The following CBLN2 variants were observed in gnomAD, a reference collection of about 807,000 sequenced individuals.
CBLN2 encodes the protein cerebellin-2.
Under a neutral mutation model 15.0 loss-of-function variants are expected in CBLN2, and 7 were observed. The observed-to-expected ratio is 0.47, with a 90% CI of 0.27 to 0.88. The LOEUF (loss-of-function observed/expected upper bound fraction) is 0.88. Among genes scored for constraint, CBLN2 ranks in the 40% least tolerant of loss-of-function variants. The probability of loss-of-function intolerance (pLI) is 0.14; values close to 1 mark genes in which losing one functional copy is unlikely to be tolerated. For synonymous variants in CBLN2, 149 were observed against 135.2 expected (o/e 1.10, Z -0.71); for missense variants, 242 against 304.5 (o/e 0.79, Z 1.53).
intron 1 of CBLN2, among the ~76,000 whole-genome samples, chr18:72,550,334 A>T (rs1376070168): frequency 6.6e-6 from 1 of 152,208 alleles, no homozygotes; most frequent in African/African-American, 2.4e-5. Context: ...AATAGATTAC[A>T]TTGCACCATC....
intron 1 of CBLN2, among the ~76,000 whole-genome samples, chr18:72,573,571 C>T (rs372016651): frequency 6.8e-4 from 104 of 152,302 alleles, no homozygotes; most frequent in African/African-American, 2.4e-3. Context: ...AGATTGGCCT[C>T]TTTTACTCAG....
chr18:72,601,110 C>T (rs1326148554), intron 1 of CBLN2, among the ~76,000 whole-genome samples: 4 of 152,152 alleles, frequency 2.6e-5, no homozygotes, highest in East Asian at 3.9e-4. Flanking sequence ...TCTCATAATC[C>T]GAACCTTGTG....
At chr18:72,631,597 A>G (rs1029888217) in intron 1 of CBLN2, among the ~76,000 whole-genome samples, 7 of 152,126 alleles carry the variant, frequency 4.6e-5, no homozygotes, top group African/African-American at 1.7e-4. Flanking sequence ...GAATCAGGGA[A>G]TGGAAAATAA....
chr18:72,615,217 T>A (rs1445007369), intron 1 of CBLN2, among the ~76,000 whole-genome samples: 1 of 137,698 alleles, frequency 7.3e-6, no homozygotes, highest in Non-Finnish European at 1.5e-5. Flanking sequence ...TATGTGTATA[T>A]ATATGTACAT....
At chr18:72,575,457 G>C (rs2069359595) in intron 1 of CBLN2, among the ~76,000 whole-genome samples, 1 of 152,132 alleles carries the variant, frequency 6.6e-6, no homozygotes, top group Non-Finnish European at 1.5e-5. Context: ...AAGGAACAGT[G>C]GCTGACACAA....
chr18:72,562,680 T>C (rs1270620627), intron 1 of CBLN2, among the ~76,000 whole-genome samples: 1 of 152,234 alleles, frequency 6.6e-6, no homozygotes, highest in African/African-American at 2.4e-5. Context: ...TTAGAGTCTT[T>C]GGAAACAGAC....
At chr18:72,630,959 T>C (rs2069772236) in intron 1 of CBLN2, 1 of 152,194 alleles carries the variant, frequency 6.6e-6, no homozygotes, top group African/African-American at 2.4e-5. Context: ...CGTTATTAAA[T>C]TGTTTCTGGC....
chr18:72,558,156 CTT>C (rs2069238294), intron 1 of CBLN2, among the ~76,000 whole-genome samples: 3 of 152,154 alleles, frequency 2.0e-5, no homozygotes, highest in Non-Finnish European at 4.4e-5. Context: ...GACCATGTGA[CTT>C]AGTGTGGCAC....
intron 1 of CBLN2, among the ~76,000 whole-genome samples, chr18:72,619,684 G>A (rs1056963609): frequency 6.6e-6 from 1 of 152,046 alleles, no homozygotes; most frequent in African/African-American, 2.4e-5. Flanking sequence ...TGAAAACAAA[G>A]GTTTCTCATT....
In CBLN2 at chr18:72,543,546, G is replaced by A. The variant is rs4961397; in HGVS notation, c.-211-16C>T. ...CGAAGTTGCTCTGCTTAGAGAAAAT[G>A]AGGCGAGTGGGAGCTGTCGGGAGGA... On this transcript the variant is annotated splice_polypyrimidine_tract_variant and intron_variant, in intron 1 of 4. Coordinates refer to ENST00000269503, the MANE Select transcript of CBLN2 (RefSeq NM_182511.4). This position sits in a 1 kb window ranked among gnomAD's most constrained non-coding sequence, Gnocchi z 6.8. The A allele has an allele frequency of 0.67, 265,187 of 397,838 alleles. 96,865 individuals are homozygous for A. Among genetic ancestry groups the A allele is most frequent in the Non-Finnish European group, 0.78 (177,047 of 225,650 alleles). 24.6% of individuals were successfully genotyped at this position (397,838 alleles called of 1,614,324 possible). A position where few individuals can be genotyped will look rare whatever the true frequency, so the allele number is the denominator to read the frequency against.
chr18:72,614,623 A>G (rs890526909), intron 1 of CBLN2, among the ~76,000 whole-genome samples: 1 of 152,174 alleles, frequency 6.6e-6, no homozygotes, highest in Non-Finnish European at 1.5e-5. Context: ...TCATCTAACC[A>G]TTGGTATTAC....
Position 72,538,007 on chromosome 18 carries a change from A to G in CBLN2, c.*169T>C, listed in dbSNP as rs2069079270. ...TTCCCGAGGAATTGTCAGTATTCCAAAAAACAAAAACAAAAGTACTGGAGG... is the reference window on the plus strand; with the variant it reads ...TTCCCGAGGAATTGTCAGTATTCCAGAAAACAAAAACAAAAGTACTGGAGG... On this transcript the variant is annotated 3_prime_UTR_variant, in exon 5 of 5. Coordinates refer to ENST00000269503, the MANE Select transcript of CBLN2 (RefSeq NM_182511.4). 2 of 681,058 alleles carry G rather than the reference A, an allele frequency of 2.9e-6. No individual in the cohort carries two copies. The highest frequency in any genetic ancestry group is 5.8e-5 in the Admixed American group (2 of 34,230). The allele number at this position is 681,058 out of a possible 1,614,324, so 42.2% of individuals were successfully genotyped here. A position where few individuals can be genotyped will look rare whatever the true frequency, so the allele number is the denominator to read the frequency against.
At chr18:72,542,702 C>A (rs1217018397) in intron 2 of CBLN2, among the ~76,000 whole-genome samples, 2 of 152,136 alleles carry the variant, frequency 1.3e-5, no homozygotes, top group Admixed American at 6.5e-5. Flanking sequence ...TGCCTTCTCG[C>A]CTTCATCTCA....
chr18:72,561,780 C>T (rs1009677773), intron 1 of CBLN2, among the ~76,000 whole-genome samples: 3 of 152,136 alleles, frequency 2.0e-5, no homozygotes, highest in Non-Finnish European at 4.4e-5. Context: ...ACAATTTTCC[C>T]TCTGTCCGTG....
intron 1 of CBLN2, among the ~76,000 whole-genome samples, chr18:72,550,757 A>T (rs1568252758): frequency 6.6e-6 from 1 of 151,534 alleles, no homozygotes; most frequent in Non-Finnish European, 1.5e-5. Context: ...GGGAGATTTC[A>T]GTGAATATTA....
Position 72,561,440 on chromosome 18 carries a change from A to G in CBLN2, c.16-22668T>C, listed in dbSNP as rs2069260763. ...TAAACAGCATCCATGACTTTAACAC[A>G]TCTTTATTTTATCTCCTTCTCTCTC... On this transcript the variant is annotated intron_variant, in intron 1 of 2. Transcript: ENST00000581073. Among the ~76,000 whole-genome samples, 4 of 152,166 alleles carry G rather than the reference A, an allele frequency of 2.6e-5. No individual in the cohort carries two copies. The South Asian group carries it at 8.3e-4, about 32-fold the overall frequency.
chr18:72,589,070 C>T (rs1568125393), intron 1 of CBLN2, among the ~76,000 whole-genome samples: 1 of 152,064 alleles, frequency 6.6e-6, no homozygotes. Flanking sequence ...CACCTCTTTG[C>T]GGTATCATTC....
rs2069499092 is a variant in CBLN2 at position 72,594,284 on chromosome 18, TA to T, written c.15+44040del. Among the ~76,000 whole-genome samples the T allele has an allele frequency of 5.3e-5, 8 of 152,060 alleles. No homozygotes were observed. In the South Asian group the frequency reaches 1.7e-3, roughly 32 times the overall value. On this transcript the variant is annotated intron_variant, in intron 1 of 2. Transcript: ENST00000581073. ...TATCCCAGAACTTAAAGTATAATAATAAAAAAAATTGCATGTGTCAAATCAT... is the reference window on the plus strand; with the variant it reads ...TATCCCAGAACTTAAAGTATAATAATAAAAAAATTGCATGTGTCAAATCAT...
chr18:72,619,171 G>A, intron 1 of CBLN2: 1 of 769,336 alleles, frequency 1.3e-6, no homozygotes, highest in Non-Finnish European at 2.3e-6. Flanking sequence ...AACCAAGGTG[G>A]CTGGGGTGGT....
Sources: allele counts gnomAD v4.1 joint callset (sites outside exome capture counted in the v4.1 genomes callset), GRCh38; gene constraint gnomAD v4.1.1; non-coding constraint Gnocchi (gnomAD v3.1); transcripts MANE v1.5; gene names NCBI Gene and HGNC (gene_info 2026-07-23, HGNC 2026-07-21).